FCHO2: variants seen among roughly 807,000 people sequenced by gnomAD.
The protein encoded by FCHO2 is F-BAR domain only protein 2.
FCHO2 carries 43 observed loss-of-function variants against 114.1 expected under a neutral mutation model. The observed-to-expected ratio is 0.38, with a 90% confidence interval of 0.30 to 0.49. The LOEUF (loss-of-function observed/expected upper bound fraction) is 0.49. Ranked by LOEUF, FCHO2 falls within the 20% of genes least tolerant of loss-of-function variation. The pLI, the probability that FCHO2 is intolerant of heterozygous loss-of-function variation, is 0.97. For synonymous variants in FCHO2, 293 were observed against 315.2 expected (o/e 0.93, Z 0.75); for missense variants, 807 against 950.4 (o/e 0.85, Z 1.98).
intron 8 of FCHO2, among the ~76,000 whole-genome samples, chr5:73,023,892 A>G (rs1187928815): frequency 6.6e-6 from 1 of 152,186 alleles, no homozygotes; most frequent in Non-Finnish European, 1.5e-5. Context: ...ATAATGTCCT[A>G]CTTGTCAACC....
At position 72,996,243 on chromosome 5, in the gene FCHO2, C is replaced by CAAAAAAAAAAAA. The variant is rs371371047; in HGVS notation, c.495+5385_495+5396dup. ...GGGCAACAAGAACGAAACTCTGTCTCAAAAAAAAAAAAAAAAATCCTGTTA... is the reference window on the plus strand; with the variant it reads ...GGGCAACAAGAACGAAACTCTGTCTCAAAAAAAAAAAAAAAAAAAAAAAAAAAAATCCTGTTA... On this transcript the variant is annotated intron_variant, in intron 5 of 25. Coordinates refer to ENST00000430046, the MANE Select transcript of FCHO2 (RefSeq NM_138782.3). 8.7e-4 allele frequency among the ~76,000 whole-genome samples: 96 copies of CAAAAAAAAAAAA among 110,842 alleles called. 1 individual carries two copies. The highest frequency in any genetic ancestry group is 5.1e-3 in the Middle Eastern group (1 of 198). The allele number at this position is 110,842 out of a possible 152,430, so 72.7% of individuals were successfully genotyped here. A position where few individuals can be genotyped will look rare whatever the true frequency, so the allele number is the denominator to read the frequency against.
chr5:73,057,086 G>C (rs549242024), intron 16 of FCHO2, among the ~76,000 whole-genome samples: 1 of 138,706 alleles, frequency 7.2e-6, no homozygotes, highest in African/African-American at 2.9e-5. Flanking sequence ...CTGTCTCCCA[G>C]CTAATTTTTT....
chr5:73,052,508 G>C lies in FCHO2; in HGVS notation c.1173+1G>C, dbSNP rs1223288437. ...TATAACACTCTCCCCAGCAATATCTGTAAGTACAAACACGTTTGTACTCTT... is the reference window on the plus strand; with the variant it reads ...TATAACACTCTCCCCAGCAATATCTCTAAGTACAAACACGTTTGTACTCTT... On this transcript the variant is annotated splice_donor_variant, in intron 13 of 25. Coordinates refer to ENST00000430046, the MANE Select transcript of FCHO2 (RefSeq NM_138782.3). LOFTEE classifies it high-confidence loss of function. The C allele has an allele frequency of 1.3e-6, 2 of 1,581,448 alleles. No individual in the cohort carries two copies. Among genetic ancestry groups the C allele is most frequent in the African/African-American group, 1.3e-5 (1 of 74,192 alleles).
chr5:73,076,805 C>A (rs1461633364), intron 20 of FCHO2, among the ~76,000 whole-genome samples: 2 of 151,980 alleles, frequency 1.3e-5, no homozygotes, highest in Non-Finnish European at 2.9e-5. Flanking sequence ...AGGAAAAGAC[C>A]AAAAGAAGAA....
chr5:73,058,574 G>GTTGTT lies in FCHO2; in HGVS notation c.1345+53_1345+54insTTTTG, dbSNP rs1054544403. 5 of 825,150 alleles carry GTTGTT rather than the reference G, an allele frequency of 6.1e-6. No individual in the cohort carries two copies. The African/African-American group carries it at 8.9e-5, about 15-fold the overall frequency. 51.1% of individuals were successfully genotyped at this position (825,150 alleles called of 1,614,324 possible). A position where few individuals can be genotyped will look rare whatever the true frequency, so the allele number is the denominator to read the frequency against. On this transcript the variant is annotated intron_variant, in intron 17 of 25. Coordinates refer to ENST00000430046, the MANE Select transcript of FCHO2 (RefSeq NM_138782.3). ...ATTTTTTTAAATAAAGAATACTTTAGTTGCTTTTTCTCATTCACTTTTTGT... is the reference window on the plus strand; with the variant it reads ...ATTTTTTTAAATAAAGAATACTTTAGTTGTTTTGCTTTTTCTCATTCACTTTTTGT...
intron 10 of FCHO2, among the ~76,000 whole-genome samples, chr5:73,040,574 CAT>C (rs1756756050): frequency 6.6e-6 from 1 of 152,146 alleles, no homozygotes; most frequent in South Asian, 2.1e-4. Context: ...TCTTTATAAA[CAT>C]AAACATAGTT....
intron 18 of FCHO2, 73 bp downstream of exon 18, chr5:73,064,017 C>G (rs1167919799): frequency 1.5e-6 from 2 of 1,358,050 alleles, no homozygotes; most frequent in African/African-American, 2.9e-5. Flanking sequence ...TTCTATATGC[C>G]CTTTTACAGT....
At chr5:73,059,233 T>C (rs1225652883) in intron 17 of FCHO2, among the ~76,000 whole-genome samples, 1 of 152,180 alleles carries the variant, frequency 6.6e-6, no homozygotes, top group Non-Finnish European at 1.5e-5. Flanking sequence ...ATCCAGTATT[T>C]GGGGTTAAGG....
rs527818946 is a variant in FCHO2 at position 73,025,351 on chromosome 5, G to A, written c.796+8043G>A. Among the ~76,000 whole-genome samples, 381 of 150,030 alleles carry A rather than the reference G, an allele frequency of 2.5e-3. 6 individuals are homozygous for A. The highest frequency in any genetic ancestry group is 0.023 in the Admixed American group (339 of 14,990). On this transcript the variant is annotated intron_variant, in intron 8 of 25. Coordinates refer to ENST00000430046, the MANE Select transcript of FCHO2 (RefSeq NM_138782.3). ...AGCCTCCCGAGTAGCTGGGATTGATGGGGCCCACCACCACACCCAGCTAAT... is the reference window on the plus strand; with the variant it reads ...AGCCTCCCGAGTAGCTGGGATTGATAGGGCCCACCACCACACCCAGCTAAT...
At chr5:72,971,483 G>A (rs1474256399) in intron 2 of FCHO2, among the ~76,000 whole-genome samples, 1 of 152,140 alleles carries the variant, frequency 6.6e-6, no homozygotes, top group East Asian at 1.9e-4. Context: ...GTGTTTTTTG[G>A]CTGCATAAAT....
intron 5 of FCHO2, among the ~76,000 whole-genome samples, chr5:73,004,047 CAA>C (rs34849736): frequency 6.8e-4 from 18 of 26,492 alleles, no homozygotes; most frequent in African/African-American, 1.6e-3. Context: ...GACTCCATCT[CAA>C]AAAAAAAAAA....
chr5:73,076,694 G>A (rs1742924475), intron 20 of FCHO2, among the ~76,000 whole-genome samples: 1 of 152,166 alleles, frequency 6.6e-6, no homozygotes, highest in South Asian at 2.1e-4. Flanking sequence ...GTGAGAGTAT[G>A]AGGAAGTTAT....
At chr5:73,053,146 G>A (rs1281367083) in intron 13 of FCHO2, among the ~76,000 whole-genome samples, 1 of 152,122 alleles carries the variant, frequency 6.6e-6, no homozygotes, top group Non-Finnish European at 1.5e-5. Flanking sequence ...TGATCATCAT[G>A]ATTGACATTA....
intron 5 of FCHO2, among the ~76,000 whole-genome samples, chr5:72,993,990 A>G (rs1753946122): frequency 1.3e-5 from 2 of 152,240 alleles, no homozygotes; most frequent in Non-Finnish European, 2.9e-5. Flanking sequence ...TCATCTCCAG[A>G]TGGATTAAAG....
At chr5:72,972,211 A>C (rs1172113088) in intron 2 of FCHO2, among the ~76,000 whole-genome samples, 1 of 151,808 alleles carries the variant, frequency 6.6e-6, no homozygotes, top group Non-Finnish European at 1.5e-5. Context: ...TATGAACTTT[A>C]AAGTAGTTTT....
intron 17 of FCHO2, among the ~76,000 whole-genome samples, chr5:73,063,242 T>C (rs945208515): frequency 6.6e-6 from 1 of 152,076 alleles, no homozygotes; most frequent in African/African-American, 2.4e-5. Flanking sequence ...TATATAGGAC[T>C]TAGGAACAAG....
chr5:73,022,361 T>C (rs984413402), intron 8 of FCHO2, among the ~76,000 whole-genome samples: 8 of 152,098 alleles, frequency 5.3e-5, no homozygotes, highest in African/African-American at 1.9e-4. Flanking sequence ...ATCAAGCCAA[T>C]TTTATTTTGA....
intron 5 of FCHO2, among the ~76,000 whole-genome samples, chr5:72,994,883 G>A (rs908936554): frequency 2.0e-5 from 3 of 152,108 alleles, no homozygotes; most frequent in Non-Finnish European, 4.4e-5. Flanking sequence ...AATATTGCAT[G>A]TTCTCACTTA....
At chr5:73,055,992 A>C in intron 15 of FCHO2, 73 bp from the exon 16 acceptor site, 1 of 1,019,126 alleles carries the variant, frequency 9.8e-7, no homozygotes, top group Non-Finnish European at 1.4e-6. Flanking sequence ...ATATGTGTAT[A>C]GAGTTTCTGT....
Sources: gnomAD v4.1 joint callset for allele counts (sites outside exome capture counted in the v4.1 genomes callset) on GRCh38, gnomAD v4.1.1 for gene constraint, MANE v1.5 for transcripts, NCBI Gene and HGNC (gene_info 2026-07-23, HGNC 2026-07-21) for gene names.